The following ADGRL2 variants were observed in gnomAD, a reference collection of about 807,000 sequenced individuals.
ADGRL2 encodes adhesion G protein-coupled receptor L2, also known as calcium-independent alpha-latrotoxin receptor 2.
Under a neutral mutation model 157.4 loss-of-function variants are expected in ADGRL2, and 44 were observed. That is an observed-to-expected ratio of 0.28 (90% confidence interval 0.22 to 0.36). The LOEUF is 0.36. Among genes scored for constraint, ADGRL2 ranks in the 10% least tolerant of loss-of-function variants. The pLI, the probability that ADGRL2 is intolerant of heterozygous loss-of-function variation, is 1.00. For missense variants in ADGRL2, 1,510 were observed against 1,768.9 expected (o/e 0.85, Z 2.63); for synonymous variants, 585 against 624.7 (o/e 0.94, Z 0.95).
At chr1:81,497,099 T>C (rs997944020) in intron 2 of ADGRL2, among the ~76,000 whole-genome samples, 1 of 152,204 alleles carries the variant, frequency 6.6e-6, no homozygotes, top group South Asian at 2.1e-4. Flanking sequence ...GAATGACTTA[T>C]ATAGGTTCCT....
intron 1 of ADGRL2, among the ~76,000 whole-genome samples, chr1:81,353,173 C>T (rs1187240538): frequency 4.0e-5 from 6 of 151,486 alleles, no homozygotes; most frequent in Admixed American, 2.0e-4. Context: ...CTCTTCCAGA[C>T]CCTTACATGT....
intron 3 of ADGRL2, among the ~76,000 whole-genome samples, chr1:81,581,684 G>T (rs2080912932): frequency 1.3e-5 from 2 of 152,156 alleles, no homozygotes; most frequent in Non-Finnish European, 2.9e-5. Context: ...AATATTACAT[G>T]ATATATATTT....
chr1:81,414,292 G>T (rs1207349538), intron 1 of ADGRL2: 1 of 152,194 alleles, frequency 6.6e-6, no homozygotes, highest in Non-Finnish European at 1.5e-5. Context: ...TGCCAAAAGG[G>T]TTCGGAAATG....
chr1:81,690,656 T>A (rs552818082), intron 3 of ADGRL2, among the ~76,000 whole-genome samples: 1 of 152,348 alleles, frequency 6.6e-6, no homozygotes, highest in African/African-American at 2.4e-5. Context: ...TATTCCTAGT[T>A]AAAAATCACA....
intron 1 of ADGRL2, among the ~76,000 whole-genome samples, chr1:81,759,759 C>G (rs1294477215): frequency 6.6e-6 from 1 of 152,124 alleles, no homozygotes; most frequent in African/African-American, 2.4e-5. Context: ...ATATTCTACA[C>G]TTTTCCTCCT....
intron 2 of ADGRL2, among the ~76,000 whole-genome samples, chr1:81,530,899 A>G (rs550330291): frequency 3.3e-5 from 5 of 152,052 alleles, no homozygotes; most frequent in Admixed American, 3.3e-4. Context: ...CCTGGCCAAT[A>G]TGGTGAAACT....
At chr1:81,420,323 G>C (rs1387881919) in intron 1 of ADGRL2, among the ~76,000 whole-genome samples, 1 of 152,104 alleles carries the variant, frequency 6.6e-6, no homozygotes, top group East Asian at 1.9e-4. Flanking sequence ...TGAAAGGCTT[G>C]TTTTTGTTTT....
intron 1 of ADGRL2, among the ~76,000 whole-genome samples, chr1:81,810,677 A>G (rs1045529133): frequency 2.0e-5 from 3 of 151,834 alleles, no homozygotes; most frequent in African/African-American, 7.2e-5. Context: ...TTGTCCTAGT[A>G]ATTGTACATT....
At chr1:81,567,049 C>T (rs2080578517) in intron 2 of ADGRL2, among the ~76,000 whole-genome samples, 1 of 152,038 alleles carries the variant, frequency 6.6e-6, no homozygotes, top group African/African-American at 2.4e-5. Flanking sequence ...CTCTAGTATG[C>T]TTAACTTACA....
chr1:81,611,878 G>A (rs1033644346), intron 3 of ADGRL2, among the ~76,000 whole-genome samples: 18 of 152,094 alleles, frequency 1.2e-4, no homozygotes, highest in South Asian at 2.1e-4. Flanking sequence ...TGCTGTTCTC[G>A]TGCTGGTGAG....
chr1:81,908,490 A>G (rs879556035), intron 3 of ADGRL2, among the ~76,000 whole-genome samples: 2 of 152,224 alleles, frequency 1.3e-5, no homozygotes, highest in Admixed American at 1.3e-4. Flanking sequence ...TGATCCATGC[A>G]CCTACAGAAG....
At chr1:81,613,233 C>A (rs2081578202) in intron 3 of ADGRL2, among the ~76,000 whole-genome samples, 1 of 152,084 alleles carries the variant, frequency 6.6e-6, no homozygotes, top group Non-Finnish European at 1.5e-5. Flanking sequence ...AAAGATAATG[C>A]ATGTAAAACA....
At chr1:81,798,625 T>C (rs2149445012), upstream of ADGRL2, among the ~76,000 whole-genome samples, 1 of 152,222 alleles carries the variant, frequency 6.6e-6, no homozygotes, top group African/African-American at 2.4e-5. Flanking sequence ...CTTCCAAGCA[T>C]CCTCCTTTTT....
At chr1:81,350,632 C>T (rs370241275) in intron 1 of ADGRL2, among the ~76,000 whole-genome samples, 1 of 152,298 alleles carries the variant, frequency 6.6e-6, no homozygotes. Flanking sequence ...CACGTAGAAA[C>T]ATAGTCTACC....
intron 2 of ADGRL2, among the ~76,000 whole-genome samples, chr1:81,791,066 C>CA (rs11411906): frequency 0.35 from 13,134 of 37,408 alleles, 4,080 homozygotes; most frequent in Middle Eastern, 0.5. Flanking sequence ...GACCCTATCT[C>CA]AAAAAAAAAA....
chr1:81,311,519 A>C (rs1231849474), intron 1 of ADGRL2, among the ~76,000 whole-genome samples: 1 of 152,186 alleles, frequency 6.6e-6, no homozygotes, highest in Admixed American at 6.6e-5. Context: ...TAGCCTCAGC[A>C]CTAAGACTAA....
At chr1:81,629,799 C>T (rs1570681697) in intron 3 of ADGRL2, among the ~76,000 whole-genome samples, 1 of 151,640 alleles carries the variant, frequency 6.6e-6, no homozygotes, top group Non-Finnish European at 1.5e-5. Context: ...CTATGTTGCT[C>T]AGGCTGGTCT....
intron 1 of ADGRL2, among the ~76,000 whole-genome samples, chr1:81,441,478 C>A (rs2077506003): frequency 6.6e-6 from 1 of 152,172 alleles, no homozygotes; most frequent in African/African-American, 2.4e-5. Flanking sequence ...TATGAAACCT[C>A]TAGCCCAAAC....
At chr1:81,796,608 G>A (rs1414287692), upstream of ADGRL2, among the ~76,000 whole-genome samples, 1 of 152,032 alleles carries the variant, frequency 6.6e-6, no homozygotes, top group Non-Finnish European at 1.5e-5. Flanking sequence ...TAATGGTAAC[G>A]ACATAAAAAT....
Sources: allele counts gnomAD v4.1 joint callset (sites outside exome capture counted in the v4.1 genomes callset), GRCh38; gene constraint gnomAD v4.1.1; transcripts MANE v1.5; gene names NCBI Gene and HGNC (gene_info 2026-07-23, HGNC 2026-07-21).